Variants in SEMA6A observed in about 807,000 individuals in gnomAD.
SEMA6A encodes the protein semaphorin 6A, also known as semaphorin-6A.
Under a neutral mutation model 96.8 loss-of-function variants are expected in SEMA6A, and 25 were observed. The observed-to-expected ratio is 0.26, with a 90% confidence interval of 0.19 to 0.36. The LOEUF (loss-of-function observed/expected upper bound fraction) is 0.36. Ranked by LOEUF, SEMA6A falls within the 10% of genes least tolerant of loss-of-function variation. The probability of loss-of-function intolerance (pLI) is 1.00; values close to 1 mark genes in which losing one functional copy is unlikely to be tolerated. For missense variants in SEMA6A, 1,363 were observed against 1,323.1 expected (o/e 1.03, Z -0.47); for synonymous variants, 612 against 518.0 (o/e 1.18, Z -2.46).
intron 1 of SEMA6A, among the ~76,000 whole-genome samples, chr5:116,532,232 A>G (rs1759516640): frequency 6.6e-6 from 1 of 152,204 alleles, no homozygotes; most frequent in African/African-American, 2.4e-5. Flanking sequence ...CACTTAAGAC[A>G]CTGCTGTATT....
chr5:116,495,016 T>C (rs374874261), intron 6 of SEMA6A, among the ~76,000 whole-genome samples: 1 of 152,172 alleles, frequency 6.6e-6, no homozygotes, highest in Non-Finnish European at 1.5e-5. Context: ...TCAAATGCCG[T>C]GCTTTTGAGA....
chr5:116,500,224 C>G (rs1366931031), intron 3 of SEMA6A, among the ~76,000 whole-genome samples: 1 of 152,172 alleles, frequency 6.6e-6, no homozygotes, highest in African/African-American at 2.4e-5. Context: ...AGGGTATTCT[C>G]AGGACAAACA....
chr5:116,568,902 A>G (rs1232589374), intron 1 of SEMA6A, among the ~76,000 whole-genome samples: 2 of 152,244 alleles, frequency 1.3e-5, no homozygotes, highest in African/African-American at 4.8e-5. Flanking sequence ...CTCATTTGAT[A>G]AAAACATGAT....
intron 1 of SEMA6A, among the ~76,000 whole-genome samples, chr5:116,560,960 G>A (rs1025830308): frequency 6.6e-6 from 1 of 152,144 alleles, no homozygotes; most frequent in African/African-American, 2.4e-5. Context: ...AAAAATGTGA[G>A]AACTATGATT....
intron 1 of SEMA6A, among the ~76,000 whole-genome samples, chr5:116,551,317 TACACACACACAC>T (rs66523615): frequency 0.014 from 1,928 of 142,524 alleles, 24 homozygotes; most frequent in Non-Finnish European, 0.017. Context: ...AGTCTTAGCA[TACACACACACAC>T]ACACACACAC....
intron 18 of SEMA6A, among the ~76,000 whole-genome samples, chr5:116,455,360 G>GGT (rs767287210): frequency 5.9e-5 from 9 of 152,200 alleles, no homozygotes; most frequent in Non-Finnish European, 1.3e-4. Flanking sequence ...TCCCCGTAAA[G>GGT]GTAATGATTC....
intron 3 of SEMA6A, among the ~76,000 whole-genome samples, chr5:116,500,101 G>A (rs1025603416): frequency 6.6e-6 from 1 of 152,172 alleles, no homozygotes; most frequent in Non-Finnish European, 1.5e-5. Context: ...AAATAAAAAT[G>A]ACATCTAAGA....
intron 1 of SEMA6A, among the ~76,000 whole-genome samples, chr5:116,553,413 T>C (rs1468271143): frequency 6.6e-6 from 1 of 152,190 alleles, no homozygotes; most frequent in Non-Finnish European, 1.5e-5. Context: ...ATATGGCAGC[T>C]GATGCCTTGT....
intron 1 of SEMA6A, among the ~76,000 whole-genome samples, chr5:116,556,609 A>G (rs1361372191): frequency 1.3e-5 from 2 of 152,188 alleles, no homozygotes; most frequent in Non-Finnish European, 2.9e-5. Flanking sequence ...CCAAGATCTC[A>G]CAGCCAATAG....
At chr5:116,510,869 T>C (rs1758371718) in intron 1 of SEMA6A, among the ~76,000 whole-genome samples, 1 of 152,158 alleles carries the variant, frequency 6.6e-6, no homozygotes, top group South Asian at 2.1e-4. Flanking sequence ...AATATAATGA[T>C]GTGGAAAATA....
intron 1 of SEMA6A, among the ~76,000 whole-genome samples, chr5:116,561,557 C>T (rs1396779578): frequency 6.6e-6 from 1 of 152,192 alleles, no homozygotes; most frequent in Non-Finnish European, 1.5e-5. Flanking sequence ...TTGTCCTATT[C>T]GTACATTTAA....
chr5:116,568,371 C>T (rs1296176953), intron 1 of SEMA6A, among the ~76,000 whole-genome samples: 11 of 152,138 alleles, frequency 7.2e-5, no homozygotes, highest in Admixed American at 7.2e-4. Context: ...GAGTCTGGAA[C>T]TCAGGTCTTC....
chr5:116,490,676 A>C (rs756273373), intron 7 of SEMA6A, among the ~76,000 whole-genome samples: 1 of 152,202 alleles, frequency 6.6e-6, no homozygotes, highest in Non-Finnish European at 1.5e-5. Context: ...CTGCAGATCC[A>C]GGCCCACAAA....
chr5:116,483,683 T>C (rs552675302), intron 10 of SEMA6A, among the ~76,000 whole-genome samples: 1 of 152,328 alleles, frequency 6.6e-6, no homozygotes, highest in East Asian at 1.9e-4. Context: ...AAGCTTAAAA[T>C]GCTTATTTAA....
At chr5:116,559,332 T>C (rs934880158) in intron 1 of SEMA6A, among the ~76,000 whole-genome samples, 1 of 152,132 alleles carries the variant, frequency 6.6e-6, no homozygotes, top group Non-Finnish European at 1.5e-5. Context: ...GCCTGGTGCG[T>C]CGCCCAGATA....
At chr5:116,503,266 G>A (rs961845147) in intron 2 of SEMA6A, among the ~76,000 whole-genome samples, 2 of 152,074 alleles carry the variant, frequency 1.3e-5, no homozygotes, top group South Asian at 2.1e-4. Flanking sequence ...TTTATGCTTC[G>A]ACCCTCACTT....
intron 1 of SEMA6A, among the ~76,000 whole-genome samples, chr5:116,510,034 C>T (rs915528865): frequency 6.6e-6 from 1 of 152,068 alleles, no homozygotes; most frequent in African/African-American, 2.4e-5. Flanking sequence ...TTGTGGCAAG[C>T]ATGAGGGGTA....
At chr5:116,527,075 T>G (rs1179840955) in intron 1 of SEMA6A, among the ~76,000 whole-genome samples, 2 of 152,118 alleles carry the variant, frequency 1.3e-5, no homozygotes, top group African/African-American at 4.8e-5. Context: ...GACAATGAAA[T>G]AAGAACTGAG....
intron 18 of SEMA6A, among the ~76,000 whole-genome samples, chr5:116,463,654 G>A (rs923747474): frequency 6.6e-6 from 1 of 151,944 alleles, no homozygotes; most frequent in African/African-American, 2.4e-5. Context: ...ATATTTTCTG[G>A]ACTAAATGTA....
Sources: gnomAD v4.1 joint callset for allele counts (sites outside exome capture counted in the v4.1 genomes callset) on GRCh38, gnomAD v4.1.1 for gene constraint, MANE v1.5 for transcripts, NCBI Gene and HGNC (gene_info 2026-07-23, HGNC 2026-07-21) for gene names.